The following GRK2 variants were observed in gnomAD, a reference collection of about 807,000 sequenced individuals.
GRK2 encodes the protein G protein-coupled receptor kinase 2.
A neutral mutation model predicts 97.8 loss-of-function variants in GRK2; 23 were observed. The observed-to-expected ratio is 0.24, with a 90% CI of 0.17 to 0.33. The LOEUF is 0.33. Among genes scored for constraint, GRK2 ranks in the 10% least tolerant of loss-of-function variants. The probability of loss-of-function intolerance (pLI) is 1.00; values close to 1 mark genes in which losing one functional copy is unlikely to be tolerated. For missense variants in GRK2, 633 were observed against 956.9 expected (o/e 0.66, Z 4.47); for synonymous variants, 425 against 381.7 (o/e 1.11, Z -1.32).
At chr11:67,272,209 A>G (rs1859926393) in intron 1 of GRK2, among the ~76,000 whole-genome samples, 1 of 152,198 alleles carries the variant, frequency 6.6e-6, no homozygotes, top group African/African-American at 2.4e-5. Flanking sequence ...CAGCCAGGCC[A>G]GAGGCTGGGC....
chr11:67,283,908 G>A lies in GRK2; in HGVS notation c.1450G>A (p.Asp484Asn), dbSNP rs753731501. 9 of 1,612,684 alleles carry A rather than the reference G, an allele frequency of 5.6e-6. No homozygotes were observed. Among genetic ancestry groups the A allele is most frequent in the East Asian group, 2.2e-5 (1 of 44,878 alleles). The change falls in exon 17 of 21, where the codon GAC (aspartate) becomes AAC (asparagine). Residue 484 changes from aspartate (D) to asparagine (N), a missense_variant. By Grantham distance (23) the Asp-to-Asn change is conservative. This residue lies in a region of GRK2 where 180 missense variants were observed against 311.3 expected (regional missense o/e 0.58). Coordinates refer to ENST00000308595, the MANE Select transcript of GRK2 (RefSeq NM_001619.5). The stretch of plus-strand genomic sequence containing the variant: ...GGAGGTGAACGCGGCCGACGCCTTC[G>A]ACATTGGCTCCTTCGATGAGGAGGA... ...RGEVNAADAF[D>N]IGSFDEEDTK...
chr11:67,268,046 C>T (rs563650136), intron 1 of GRK2, among the ~76,000 whole-genome samples: 9 of 152,376 alleles, frequency 5.9e-5, no homozygotes, highest in East Asian at 3.9e-4. Context: ...GGTGCCCCAG[C>T]GGGCTGGGGA....
rs1860135867 is a variant in GRK2, at chr11:67,280,971, A to G, written c.556-122A>G. 10 of 1,106,926 alleles carry G rather than the reference A, an allele frequency of 9.0e-6. No individual in the cohort carries two copies. In the East Asian group the frequency reaches 2.4e-4, roughly 26 times the overall value. 68.6% of individuals were successfully genotyped at this position (1,106,926 alleles called of 1,614,324 possible). A position where few individuals can be genotyped will look rare whatever the true frequency, so the allele number is the denominator to read the frequency against. On this transcript the variant is annotated intron_variant, in intron 7 of 20. Transcript: ENST00000308595. ...GGCCGGAGCAGGTAAATATGTGGCAAGGATGGCCAGGACATGGGTATGGGG... is the reference window on the plus strand; with the variant it reads ...GGCCGGAGCAGGTAAATATGTGGCAGGGATGGCCAGGACATGGGTATGGGG...
At position 67,278,300 on chromosome 11, in the gene GRK2, G is replaced by A. The variant is rs764348094; in HGVS notation, c.191-900G>A. Among the ~76,000 whole-genome samples, 56 of 152,230 alleles carry A rather than the reference G, an allele frequency of 3.7e-4. 1 individual carries two copies. Among genetic ancestry groups the A allele is most frequent in the African/African-American group, 1.3e-3 (55 of 41,460 alleles). ...TGAGAGGCCACCCAGCTCGAGCCTG[G>A]TTACCCGTGTCAGACTGGAGGCCTG... On this transcript the variant is annotated intron_variant, in intron 2 of 20. Transcript: ENST00000308595.
chr11:67,285,253 C>T, intron 20 of GRK2, 33 bp from the exon 21 acceptor site: 2 of 1,609,784 alleles, frequency 1.2e-6, no homozygotes, highest in Non-Finnish European at 1.7e-6. Context: ...TGGGGAGAGC[C>T]CCAGCTGACA....
intron 1 of GRK2, among the ~76,000 whole-genome samples, chr11:67,272,652 C>A (rs185431681): frequency 6.6e-6 from 1 of 152,240 alleles, no homozygotes; most frequent in South Asian, 2.1e-4. Flanking sequence ...TGGTGCAGGC[C>A]GCTGTAACTG....
intron 18 of GRK2, 88 bp downstream of exon 18, chr11:67,284,461 ACAGC>A: frequency 6.8e-7 from 1 of 1,464,624 alleles, no homozygotes. Flanking sequence ...ACCCTGGATC[ACAGC>A]CAGAAAGTGG....
Position 67,281,384 on chromosome 11 carries a change from C to T in GRK2, c.648-75C>T. The T allele has an allele frequency of 7.1e-7, 1 of 1,404,726 alleles. No homozygotes were observed. The highest frequency in any genetic ancestry group is 2.3e-5 in the East Asian group (1 of 43,158). 87.0% of individuals were successfully genotyped at this position (1,404,726 alleles called of 1,614,324 possible). ...ACGCTGGTCCTGGGTCTAGTCTTTC[C>T]CTCAAGCGCCCCCTGAGGCAGCCCT... On this transcript the variant is annotated intron_variant, in intron 8 of 20. Transcript: ENST00000308595. The surrounding 1 kb of genome is among the most constrained non-coding windows in gnomAD (Gnocchi z 5.7).
chr11:67,275,306 A>G (rs1554966802), intron 1 of GRK2, among the ~76,000 whole-genome samples: 1 of 152,200 alleles, frequency 6.6e-6, no homozygotes, highest in Non-Finnish European at 1.5e-5. Context: ...GAGGCCAGGC[A>G]GGGTCCACAG....
At chr11:67,280,706 C>T in intron 6 of GRK2, 26 bp from the exon 7 acceptor site, 2 of 1,613,914 alleles carry the variant, frequency 1.2e-6, no homozygotes, top group Non-Finnish European at 1.7e-6. Flanking sequence ...CTGAGTGGCC[C>T]CTGAGCCCTG....
intron 18 of GRK2, 163 bp from the exon 19 acceptor site, chr11:67,284,667 TACTCCCAGCTACCCGGG>T (rs1860231302): frequency 1.1e-5 from 9 of 853,082 alleles, no homozygotes; most frequent in South Asian, 9.1e-5. Flanking sequence ...CACGCGCCTG[TACTCCCAGCTACCCGGG>T]AGGCTGAGGC....
intron 1 of GRK2, among the ~76,000 whole-genome samples, chr11:67,270,513 G>T (rs1239839238): frequency 6.6e-6 from 1 of 151,998 alleles, no homozygotes; most frequent in African/African-American, 2.4e-5. Context: ...TCCTGCCCTC[G>T]ATTTGTGGGG....
In GRK2 at chr11:67,285,377, A is replaced by G; in HGVS notation, c.1997A>G (p.Asn666Ser). 6.2e-7 allele frequency: 1 copy of G among 1,609,774 alleles called. No individual in the cohort carries two copies. ...QLVQRVPKMK[N>S]KPRSPVVELS... ...GTGCAGCGGGTGCCCAAGATGAAGAACAAGCCGCGCTCGCCCGTGGTGGAG... is the reference window on the plus strand; with the variant it reads ...GTGCAGCGGGTGCCCAAGATGAAGAGCAAGCCGCGCTCGCCCGTGGTGGAG... Residue 666 changes from asparagine (N) to serine (S), a missense_variant, in exon 21 of 21, where the codon AAC becomes AGC. This residue lies in a region of GRK2 where 180 missense variants were observed against 311.3 expected (regional missense o/e 0.58). Transcript: ENST00000308595.
At chr11:67,278,819 G>T (rs1237738344) in intron 2 of GRK2, among the ~76,000 whole-genome samples, 5 of 147,166 alleles carry the variant, frequency 3.4e-5, no homozygotes, top group Middle Eastern at 6.8e-3. Flanking sequence ...CCGCCCCGGT[G>T]GGGGGTATCG....
At position 67,269,952 on chromosome 11, in the gene GRK2, C is replaced by T. The variant is rs1303876012; in HGVS notation, c.113+3140C>T. Among the ~76,000 whole-genome samples, 1 of 152,200 alleles carries T rather than the reference C, an allele frequency of 6.6e-6. No individual in the cohort carries two copies. The highest frequency in any genetic ancestry group is 1.9e-4 in the East Asian group (1 of 5,196). Reference sequence around the variant, plus strand: ...AGAATCCAAGGAAACAGTCCCTTTCCCCGACCTTCTTGTAGAAGGAGGTAG... The same window carrying T: ...AGAATCCAAGGAAACAGTCCCTTTCTCCGACCTTCTTGTAGAAGGAGGTAG... On this transcript the variant is annotated intron_variant, in intron 1 of 20. Transcript: ENST00000308595. The surrounding 1 kb of genome is among the most constrained non-coding windows in gnomAD (Gnocchi z 4.1).
Position 67,283,699 on chromosome 11 carries a change from C to T in GRK2, c.1329-8C>T, listed in dbSNP as rs1194539515. 6.2e-7 allele frequency: 1 copy of T among 1,612,996 alleles called. No homozygotes were observed. The highest frequency in any genetic ancestry group is 1.1e-5 in the South Asian group (1 of 91,056). On this transcript the variant is annotated splice_region_variant and splice_polypyrimidine_tract_variant and intron_variant, in intron 15 of 20. Transcript: ENST00000308595. The stretch of plus-strand genomic sequence containing the variant: ...GGCTGAGCCCAGATGACTGGCCTCT[C>T]CCCACAGGGCTCAGGAGGTGAAAGA...
intron 1 of GRK2, among the ~76,000 whole-genome samples, chr11:67,267,993 G>T (rs1473127961): frequency 6.6e-6 from 1 of 152,240 alleles, no homozygotes; most frequent in Non-Finnish European, 1.5e-5. Flanking sequence ...TCTTTGTGTC[G>T]TGTGGCAACT....
Position 67,281,427 on chromosome 11 carries a change from G to T in GRK2, c.648-32G>T. 1 of 1,595,244 alleles carries T rather than the reference G, an allele frequency of 6.3e-7. No individual in the cohort carries two copies. Among genetic ancestry groups the T allele is most frequent in the Non-Finnish European group, 8.6e-7 (1 of 1,164,342 alleles). On this transcript the variant is annotated intron_variant, in intron 8 of 20. Coordinates refer to ENST00000308595, the MANE Select transcript of GRK2 (RefSeq NM_001619.5). The surrounding 1 kb of genome is among the most constrained non-coding windows in gnomAD (Gnocchi z 5.7). ...GCAGCCCTGGGCCCCTGCTCTGAGG[G>T]TGGGTGTTGACTGCCGACCTCTGCC... is the stretch of plus-strand genomic sequence containing the variant.
chr11:67,279,783 C>T, intron 5 of GRK2, 56 bp from the exon 6 acceptor site: 10 of 1,612,946 alleles, frequency 6.2e-6, no homozygotes, highest in Non-Finnish European at 7.6e-6. Context: ...GGGGTGGGGC[C>T]TGGGCAACCA....
Sources: gnomAD v4.1 joint callset for allele counts (sites outside exome capture counted in the v4.1 genomes callset) on GRCh38, gnomAD v4.1.1 for gene constraint, gnomAD v4.1.1 regional missense constraint, Gnocchi (gnomAD v3.1) non-coding constraint, MANE v1.5 for transcripts, NCBI Gene and HGNC (gene_info 2026-07-23, HGNC 2026-07-21) for gene names.